C1orf21: variants seen among roughly 807,000 people sequenced by gnomAD.
The protein encoded by C1orf21 is uncharacterized protein C1orf21.
Under a neutral mutation model 18.7 loss-of-function variants are expected in C1orf21, and 3 were observed. The observed-to-expected ratio is 0.16, with a 90% CI of 0.07 to 0.42. The LOEUF (loss-of-function observed/expected upper bound fraction) is 0.42, where lower values mean the gene tolerates loss of function less well. C1orf21 is among the 10% of genes least tolerant of loss of function. The pLI is 0.99. For missense variants in C1orf21, 104 were observed against 143.6 expected (o/e 0.72, Z 1.41); for synonymous variants, 41 against 46.4 (o/e 0.88, Z 0.47).
At chr1:184,495,917 C>CAAAAAAAAAAAAAAAAAA (rs764285547) in intron 2 of C1orf21, among the ~76,000 whole-genome samples, 1 of 50,898 alleles carries the variant, frequency 2.0e-5, no homozygotes. Context: ...GACTCTGTCT[C>CAAAAAAAAAAAAAAAAAA]AAAAAAAAAA....
At chr1:184,593,341 A>G (rs1659468117) in intron 4 of C1orf21, among the ~76,000 whole-genome samples, 1 of 152,032 alleles carries the variant, frequency 6.6e-6, no homozygotes, top group East Asian at 1.9e-4. Context: ...AGAACATTGG[A>G]TTCCTGGAAT....
chr1:184,392,570 C>T (rs548373347), intron 1 of C1orf21, among the ~76,000 whole-genome samples: 18 of 152,180 alleles, frequency 1.2e-4, no homozygotes, highest in Admixed American at 1.1e-3. Flanking sequence ...CAGAACTGCA[C>T]TCCTATCATC....
At position 184,524,505 on chromosome 1, in the gene C1orf21, A is replaced by G. The variant is rs528539436; in HGVS notation, c.189+16823A>G. ...AGAACATTGCATAAGATGGAAAAAAATCATGACATTGGCTGGAATTGTCCC... is the reference window on the plus strand; with the variant it reads ...AGAACATTGCATAAGATGGAAAAAAGTCATGACATTGGCTGGAATTGTCCC... On this transcript the variant is annotated intron_variant, in intron 3 of 5. Coordinates refer to ENST00000235307, the MANE Select transcript of C1orf21 (RefSeq NM_030806.4). Among the ~76,000 whole-genome samples, 26 of 152,268 alleles carry G rather than the reference A, an allele frequency of 1.7e-4. No homozygotes were observed. In the South Asian group the frequency reaches 4.6e-3, roughly 27 times the overall value.
At chr1:184,409,371 G>T (rs893257714) in intron 1 of C1orf21, among the ~76,000 whole-genome samples, 1 of 152,186 alleles carries the variant, frequency 6.6e-6, no homozygotes, top group South Asian at 2.1e-4. Flanking sequence ...TGGAAGGTTT[G>T]TGGGGTGAGG....
At chr1:184,428,515 C>T (rs1226353394) in intron 1 of C1orf21, among the ~76,000 whole-genome samples, 1 of 152,142 alleles carries the variant, frequency 6.6e-6, no homozygotes, top group Non-Finnish European at 1.5e-5. Context: ...GGTCACACTT[C>T]ATGTTGTATC....
intron 1 of C1orf21, among the ~76,000 whole-genome samples, chr1:184,432,851 G>T (rs1571355126): frequency 6.6e-6 from 1 of 152,198 alleles, no homozygotes; most frequent in East Asian, 1.9e-4. Flanking sequence ...TGTCTTTATT[G>T]AAGGAAAAGG....
At chr1:184,563,625 G>A (rs1658995188) in intron 3 of C1orf21, among the ~76,000 whole-genome samples, 1 of 152,188 alleles carries the variant, frequency 6.6e-6, no homozygotes, top group African/African-American at 2.4e-5. Flanking sequence ...AATGTCTGAA[G>A]GTAATTATAA....
chr1:184,439,525 G>A (rs765250442), intron 1 of C1orf21, among the ~76,000 whole-genome samples: 16 of 152,018 alleles, frequency 1.1e-4, no homozygotes, highest in Non-Finnish European at 2.2e-4. Context: ...CAAGACACCA[G>A]AGAAGTCAGA....
intron 4 of C1orf21, among the ~76,000 whole-genome samples, chr1:184,591,277 A>C (rs1248799882): frequency 2.0e-5 from 3 of 152,180 alleles, no homozygotes; most frequent in Non-Finnish European, 4.4e-5. Context: ...AATTGAGAAA[A>C]TGTGGTTTGG....
At chr1:184,485,053 A>G (rs974152928) in intron 2 of C1orf21, among the ~76,000 whole-genome samples, 1 of 152,354 alleles carries the variant, frequency 6.6e-6, no homozygotes, top group East Asian at 1.9e-4. Flanking sequence ...CAAAGTCATA[A>G]TTCACTGTTT....
intron 1 of C1orf21, among the ~76,000 whole-genome samples, chr1:184,405,502 T>C (rs777001009): frequency 2.0e-5 from 3 of 152,144 alleles, no homozygotes; most frequent in Non-Finnish European, 4.4e-5. Flanking sequence ...GCCCTAAAAA[T>C]TCCTATTATG....
intron 1 of C1orf21, among the ~76,000 whole-genome samples, chr1:184,471,770 T>C (rs903427245): frequency 4.6e-5 from 7 of 152,174 alleles, no homozygotes; most frequent in African/African-American, 1.7e-4. Context: ...AGTTTTCCCA[T>C]AAAGAAGGCA....
intron 3 of C1orf21, among the ~76,000 whole-genome samples, chr1:184,564,697 T>C (rs1344424026): frequency 6.6e-6 from 1 of 152,190 alleles, no homozygotes; most frequent in Admixed American, 6.5e-5. Context: ...AAGAGTTGCA[T>C]TTCTTAGCAA....
intron 5 of C1orf21, among the ~76,000 whole-genome samples, chr1:184,613,867 C>T (rs1645194972): frequency 1.3e-5 from 2 of 151,884 alleles, no homozygotes. Context: ...ACTGTTTCTC[C>T]CTAGGGCAAC....
intron 1 of C1orf21, among the ~76,000 whole-genome samples, chr1:184,427,801 T>C (rs1656665779): frequency 1.3e-5 from 2 of 152,200 alleles, no homozygotes; most frequent in South Asian, 2.1e-4. Context: ...TGTTTGGTTA[T>C]CTTTCTTCTC....
intron 1 of C1orf21, among the ~76,000 whole-genome samples, chr1:184,430,985 T>G (rs1333171915): frequency 1.3e-5 from 2 of 152,226 alleles, no homozygotes; most frequent in African/African-American, 4.8e-5. Flanking sequence ...GTAGTTCTCC[T>G]TGAAGAGGTG....
intron 5 of C1orf21, among the ~76,000 whole-genome samples, chr1:184,617,968 G>C (rs1018977775): frequency 2.1e-5 from 3 of 142,378 alleles, no homozygotes; most frequent in African/African-American, 7.9e-5. Context: ...GCAGTGCAAT[G>C]GTGCGATCTT....
At position 184,623,396 on chromosome 1, in the gene C1orf21, A is replaced by G. The variant is rs1659956201; in HGVS notation, c.*3840A>G. ...TAGATTGCACACTATAATTTTACAT[A>G]AGATCTGCCTTCCACACTTCCCTGC... is the stretch of plus-strand genomic sequence containing the variant. On this transcript the variant is annotated 3_prime_UTR_variant, in exon 6 of 6. Transcript: ENST00000235307. 6.6e-6 allele frequency: 1 copy of G among 152,204 alleles called. No individual in the cohort carries two copies. Among genetic ancestry groups the G allele is most frequent in the African/African-American group, 2.4e-5 (1 of 41,450 alleles). The allele number at this position is 152,204 out of a possible 1,614,324, so 9.4% of individuals were successfully genotyped here.
Position 184,622,067 on chromosome 1 carries a change from A to G in C1orf21, c.*2511A>G, listed in dbSNP as rs1659925026. The G allele has an allele frequency of 6.6e-6, 1 of 152,246 alleles. No individual in the cohort carries two copies. The allele number at this position is 152,246 out of a possible 1,614,324, so 9.4% of individuals were successfully genotyped here. A position where few individuals can be genotyped will look rare whatever the true frequency, so the allele number is the denominator to read the frequency against. ...ACTTTATTTTTTTGTGCCTTCTGAA[A>G]GGATCTAAAACAAAAATATTTTGCC... On this transcript the variant is annotated 3_prime_UTR_variant, in exon 6 of 6. Coordinates refer to ENST00000235307, the MANE Select transcript of C1orf21 (RefSeq NM_030806.4).
Sources: gnomAD v4.1 joint callset for allele counts (sites outside exome capture counted in the v4.1 genomes callset) on GRCh38, gnomAD v4.1.1 for gene constraint, MANE v1.5 for transcripts, NCBI Gene and HGNC (gene_info 2026-07-23, HGNC 2026-07-21) for gene names.